The following GJA1 variants were observed in gnomAD, a reference collection of about 807,000 sequenced individuals.
The protein encoded by GJA1 is gap junction alpha-1 protein.
GJA1 carries 9 observed loss-of-function variants against 31.0 expected under a neutral mutation model. The ratio of observed to expected loss-of-function variants is 0.29; its 90% confidence interval spans 0.17 to 0.51. The LOEUF is 0.51. GJA1 is among the 20% of genes least tolerant of loss of function. GJA1 has a pLI of 0.98. For missense variants in GJA1, 278 were observed against 468.8 expected (o/e 0.59, Z 3.76); for synonymous variants, 186 against 180.1 (o/e 1.03, Z -0.26).
Position 121,448,085 on chromosome 6 carries a change from G to A in GJA1, c.*89G>A, listed in dbSNP as rs67721882. The A allele has an allele frequency of 1.4e-4, 157 of 1,150,912 alleles. 2 individuals carry two copies. In the African/African-American group the frequency reaches 2.0e-3, roughly 15 times the overall value. The allele number at this position is 1,150,912 out of a possible 1,614,324, so 71.3% of individuals were successfully genotyped here. A position where few individuals can be genotyped will look rare whatever the true frequency, so the allele number is the denominator to read the frequency against. On this transcript the variant is annotated 3_prime_UTR_variant, in exon 2 of 2. Transcript: ENST00000282561. ...GTGCACCAGGTGTTAATTTTGATCC[G>A]GTGGAGGTGGTACTCAACAGCCTTA...
intron 1 of GJA1, among the ~76,000 whole-genome samples, chr6:121,440,645 C>CTT (rs538330262): frequency 4.4e-4 from 60 of 137,394 alleles, no homozygotes; most frequent in African/African-American, 1.3e-3. Context: ...AAAAAACAAA[C>CTT]TTTTTTTTTT....
At chr6:121,437,993 TC>T (rs529619736) in intron 1 of GJA1, among the ~76,000 whole-genome samples, 15 of 151,220 alleles carry the variant, frequency 9.9e-5, no homozygotes, top group East Asian at 2.0e-4. Context: ...AGCGCTCCCC[TC>T]CCCCCCGCGC....
intron 1 of GJA1, among the ~76,000 whole-genome samples, chr6:121,444,474 C>T (rs779687137): frequency 7.2e-5 from 11 of 152,230 alleles, no homozygotes; most frequent in Non-Finnish European, 1.6e-4. Context: ...CTTCTTTGTT[C>T]GGTCCAGGAA....
intron 1 of GJA1, among the ~76,000 whole-genome samples, chr6:121,444,529 C>G (rs1773852241): frequency 6.6e-6 from 1 of 152,122 alleles, no homozygotes; most frequent in South Asian, 2.1e-4. Context: ...TTCTCTATGG[C>G]CAGAAGATGC....
chr6:121,437,610 G>C (rs1463143846), intron 1 of GJA1, among the ~76,000 whole-genome samples: 2 of 152,048 alleles, frequency 1.3e-5, no homozygotes, highest in African/African-American at 4.8e-5. Flanking sequence ...GGTCGTAGCA[G>C]CGCTGCGCCC....
At chr6:121,442,595 G>A (rs1773812775) in intron 1 of GJA1, among the ~76,000 whole-genome samples, 2 of 152,100 alleles carry the variant, frequency 1.3e-5, no homozygotes, top group East Asian at 3.8e-4. Flanking sequence ...GAACAAGAAA[G>A]GGCCAGAAAT....
rs57946868 is a variant in GJA1, at chr6:121,447,564, G to C, written c.717G>C (p.Arg239=). 1.4e-4 allele frequency: 230 copies of C among 1,613,784 alleles called. No individual in the cohort carries two copies. The highest frequency in any genetic ancestry group is 1.8e-4 in the Non-Finnish European group (212 of 1,179,952). ...FYVFFKGVKD[R]VKGKSDPYHA... ...TTTTCTTCAAGGGCGTTAAGGATCG[G>C]GTTAAGGGAAAGAGCGACCCTTACC... Residue 239 remains arginine (R), a synonymous_variant, in exon 2 of 2, where the codon CGG becomes CGC. Transcript: ENST00000282561.
At chr6:121,440,724 CAATT>C (rs1333676240) in intron 1 of GJA1, among the ~76,000 whole-genome samples, 1 of 151,600 alleles carries the variant, frequency 6.6e-6, no homozygotes, top group Non-Finnish European at 1.5e-5. Flanking sequence ...AGCTATACCC[CAATT>C]AATTAATTCT....
At chr6:121,438,895 C>T (rs1261313298) in intron 1 of GJA1, among the ~76,000 whole-genome samples, 1 of 151,672 alleles carries the variant, frequency 6.6e-6, no homozygotes, top group Non-Finnish European at 1.5e-5. Context: ...TACCTATTTT[C>T]AAACTGTGGT....
In GJA1 at chr6:121,440,119, A is replaced by C. The variant is rs75380347; in HGVS notation, c.-17+4287A>C. 2.0e-5 allele frequency among the ~76,000 whole-genome samples: 3 copies of C among 152,178 alleles called. 1 individual carries two copies. The highest frequency in any genetic ancestry group is 4.4e-5 in the Non-Finnish European group (3 of 68,026). The stretch of plus-strand genomic sequence containing the variant: ...TAAACAGGCTATTTCTTCTTGTAAT[A>C]GTGTCCTTGTCTACAATAAAATTGT... On this transcript the variant is annotated intron_variant, in intron 1 of 1. Transcript: ENST00000282561.
Position 121,446,825 on chromosome 6 carries a change from C to CT in GJA1, c.-16-4dup. On this transcript the variant is annotated splice_region_variant and splice_polypyrimidine_tract_variant and intron_variant, in intron 1 of 1. Transcript: ENST00000282561. The stretch of plus-strand genomic sequence containing the variant: ...TGATCCTTGAATTGTCTCTTTGTTT[C>CT]TTTCAGGTGGTGCCCAGGCAACATG... The CT allele has an allele frequency of 1.3e-6, 2 of 1,570,332 alleles. No homozygotes were observed. Among genetic ancestry groups the CT allele is most frequent in the East Asian group, 4.5e-5 (2 of 44,672 alleles).
In GJA1 at chr6:121,449,329, A is replaced by G. The variant is rs1450291303; in HGVS notation, c.*1333A>G. ...CACAGTAATTCAGAACTTGTATTCT[A>G]TTATGAGTTTAGCAGTCTTTTGGAG... On this transcript the variant is annotated 3_prime_UTR_variant, in exon 2 of 2. Coordinates refer to ENST00000282561, the MANE Select transcript of GJA1 (RefSeq NM_000165.5). 6.0e-6 allele frequency: 1 copy of G among 167,098 alleles called. No individual in the cohort carries two copies. The highest frequency in any genetic ancestry group is 1.5e-5 in the Non-Finnish European group (1 of 68,132). The allele number at this position is 167,098 out of a possible 1,614,324, so 10.4% of individuals were successfully genotyped here. A position where few individuals can be genotyped will look rare whatever the true frequency, so the allele number is the denominator to read the frequency against.
At chr6:121,440,672 T>G (rs1306598130) in intron 1 of GJA1, among the ~76,000 whole-genome samples, 5 of 151,936 alleles carry the variant, frequency 3.3e-5, no homozygotes, top group Non-Finnish European at 4.4e-5. Context: ...CACAGTATCT[T>G]TCTATTTTTT....
rs72548749 is a variant in GJA1 at position 121,448,297 on chromosome 6, C to A, written c.*301C>A. 104 of 438,738 alleles carry A rather than the reference C, an allele frequency of 2.4e-4. No individual in the cohort carries two copies. The highest frequency in any genetic ancestry group is 1.9e-3 in the Admixed American group (53 of 27,940). 27.2% of individuals were successfully genotyped at this position (438,738 alleles called of 1,614,324 possible). On this transcript the variant is annotated 3_prime_UTR_variant, in exon 2 of 2. Coordinates refer to ENST00000282561, the MANE Select transcript of GJA1 (RefSeq NM_000165.5). ...TACATAGATAAGGGCTTTTTCTCCC[C>A]GCAAACACCCCTAAGAATGGTTCTG...
chr6:121,436,369 A>C (rs1773664079), intron 1 of GJA1, among the ~76,000 whole-genome samples: 1 of 152,190 alleles, frequency 6.6e-6, no homozygotes, highest in Admixed American at 6.6e-5. Flanking sequence ...TTTGTGACGA[A>C]GTGCTTTGTT....
intron 1 of GJA1, among the ~76,000 whole-genome samples, chr6:121,440,269 T>G (rs1159784120): frequency 6.6e-6 from 1 of 152,116 alleles, no homozygotes; most frequent in African/African-American, 2.4e-5. Context: ...GAACTGAATG[T>G]ACAAGCATGA....
chr6:121,437,210 A>G (rs965021684), intron 1 of GJA1, among the ~76,000 whole-genome samples: 2 of 152,046 alleles, frequency 1.3e-5, no homozygotes, highest in Non-Finnish European at 2.9e-5. Flanking sequence ...AATCGAACTC[A>G]GGTCCGAGTT....
rs1773904585 is a variant in GJA1 at position 121,447,305 on chromosome 6, G to A, written c.458G>A (p.Arg153Gln). The stretch of plus-strand genomic sequence containing the variant: ...GTGAAAATGCGAGGGGGGTTGCTGC[G>A]AACCTACATCATCAGTATCCTCTTC... ...GKVKMRGGLLRTYIISILFKS... is the reference protein window; with the variant it reads ...GKVKMRGGLLQTYIISILFKS... The change falls in exon 2 of 2, where the codon CGA becomes CAA. Residue 153 changes from arginine (R) to glutamine (Q), a missense_variant. Arg to Gln is a conservative substitution (Grantham distance 43, BLOSUM62 1). Transcript: ENST00000282561. 1.2e-6 allele frequency: 2 copies of A among 1,613,992 alleles called. No homozygotes were observed. The highest frequency in any genetic ancestry group is 1.7e-6 in the Non-Finnish European group (2 of 1,179,922).
At chr6:121,438,486 G>T (rs140218631) in intron 1 of GJA1, among the ~76,000 whole-genome samples, 1 of 152,170 alleles carries the variant, frequency 6.6e-6, no homozygotes. Flanking sequence ...AAAACACGGG[G>T]TGCATTCTTT....
Sources: gnomAD v4.1 joint callset for allele counts (sites outside exome capture counted in the v4.1 genomes callset) on GRCh38, gnomAD v4.1.1 for gene constraint, MANE v1.5 for transcripts, NCBI Gene and HGNC (gene_info 2026-07-23, HGNC 2026-07-21) for gene names.